Variants in TMPRSS11D observed in about 807,000 individuals in gnomAD.
TMPRSS11D encodes the protein transmembrane protease serine 11D.
Under a neutral mutation model 44.4 loss-of-function variants are expected in TMPRSS11D, and 32 were observed. The observed-to-expected ratio is 0.72, with a 90% CI of 0.54 to 0.97. The LOEUF is 0.97. TMPRSS11D is among the 50% of genes least tolerant of loss of function. The probability of loss-of-function intolerance (pLI) is 0.00; values close to 1 mark genes in which losing one functional copy is unlikely to be tolerated. For missense variants in TMPRSS11D, 446 were observed against 502.6 expected (o/e 0.89, Z 1.08); for synonymous variants, 179 against 177.9 (o/e 1.01, Z -0.05).
intron 3 of TMPRSS11D, among the ~76,000 whole-genome samples, chr4:67,850,474 A>G (rs1009660457): frequency 6.6e-6 from 1 of 152,026 alleles, no homozygotes; most frequent in Non-Finnish European, 1.5e-5. Flanking sequence ...CCGAGTTAGG[A>G]AGAGATAAAA....
At chr4:67,860,825 T>C (rs929315800) in intron 1 of TMPRSS11D, among the ~76,000 whole-genome samples, 1 of 152,106 alleles carries the variant, frequency 6.6e-6, no homozygotes, top group Non-Finnish European at 1.5e-5. Flanking sequence ...GTTCTGAGGG[T>C]CAGTGCTGTG....
intron 7 of TMPRSS11D, among the ~76,000 whole-genome samples, chr4:67,828,161 A>C (rs949984675): frequency 3.9e-5 from 6 of 151,992 alleles, no homozygotes; most frequent in Non-Finnish European, 4.4e-5. Flanking sequence ...ATGCAGATAA[A>C]CTCATACTAA....
chr4:67,863,220 CTGA>C (rs1274778595), intron 1 of TMPRSS11D, among the ~76,000 whole-genome samples: 4 of 149,852 alleles, frequency 2.7e-5, no homozygotes, highest in Non-Finnish European at 5.9e-5. Context: ...AGCTCAGAAC[CTGA>C]TATACATGCA....
rs114574846 is a variant in TMPRSS11D at position 67,860,160 on chromosome 4, C to T, written c.9-482G>A. Among the ~76,000 whole-genome samples the T allele has an allele frequency of 3.3e-3, 507 of 152,056 alleles. 2 individuals are homozygous for T. Among genetic ancestry groups the T allele is most frequent in the African/African-American group, 0.011 (475 of 41,500 alleles). On this transcript the variant is annotated intron_variant, in intron 1 of 9. Transcript: ENST00000283916. ...GGGTGGGGTGGTGAGGGGGTCAGGACGGTAGCATTTCTCATTGCAAGATTC... is the reference window on the plus strand; with the variant it reads ...GGGTGGGGTGGTGAGGGGGTCAGGATGGTAGCATTTCTCATTGCAAGATTC...
At chr4:67,848,829 G>T (rs568155362) in intron 3 of TMPRSS11D, among the ~76,000 whole-genome samples, 1 of 152,172 alleles carries the variant, frequency 6.6e-6, no homozygotes, top group Non-Finnish European at 1.5e-5. Context: ...CAATCATGCC[G>T]GTCTTCGAAC....
intron 4 of TMPRSS11D, among the ~76,000 whole-genome samples, chr4:67,839,236 A>C (rs567590488): frequency 6.6e-6 from 1 of 152,276 alleles, no homozygotes; most frequent in African/African-American, 2.4e-5. Flanking sequence ...TAAGCTTCAG[A>C]AATTAGCTGG....
At chr4:67,876,601 A>G (rs1443408040) in intron 1 of TMPRSS11D, among the ~76,000 whole-genome samples, 3 of 152,206 alleles carry the variant, frequency 2.0e-5, no homozygotes, top group African/African-American at 7.2e-5. Flanking sequence ...TGACTTTGCT[A>G]TTATGCAGAT....
chr4:67,859,314 A>G (rs1718736522), intron 2 of TMPRSS11D, among the ~76,000 whole-genome samples: 2 of 152,168 alleles, frequency 1.3e-5, no homozygotes, highest in Admixed American at 6.6e-5. Flanking sequence ...TTGAGTAACA[A>G]TGTTTGGTAT....
At chr4:67,851,228 T>C (rs1412752506) in intron 3 of TMPRSS11D, among the ~76,000 whole-genome samples, 3 of 152,206 alleles carry the variant, frequency 2.0e-5, no homozygotes, top group Non-Finnish European at 2.9e-5. Context: ...TTCACTTAGA[T>C]GGTGGGTCCA....
At chr4:67,823,280 C>A (rs1236025948) in intron 9 of TMPRSS11D, among the ~76,000 whole-genome samples, 1 of 152,096 alleles carries the variant, frequency 6.6e-6, no homozygotes, top group Non-Finnish European at 1.5e-5. Context: ...CAAAACACTC[C>A]TAATGACATA....
chr4:67,880,463 G>A (rs921525750), intron 1 of TMPRSS11D, among the ~76,000 whole-genome samples: 11 of 151,924 alleles, frequency 7.2e-5, no homozygotes, highest in African/African-American at 2.7e-4. Flanking sequence ...GGGATAGTAT[G>A]GCGTGTCTTT....
intron 5 of TMPRSS11D, among the ~76,000 whole-genome samples, chr4:67,837,640 T>C (rs1467325278): frequency 6.6e-6 from 1 of 152,138 alleles, no homozygotes; most frequent in Non-Finnish European, 1.5e-5. Context: ...GAATTATTTA[T>C]TGAATATGTG....
At chr4:67,850,713 G>A (rs1718483830) in intron 3 of TMPRSS11D, among the ~76,000 whole-genome samples, 1 of 152,204 alleles carries the variant, frequency 6.6e-6, no homozygotes, top group Admixed American at 6.5e-5. Flanking sequence ...CCTCCAACGG[G>A]AGCTGTGCAG....
chr4:67,870,245 A>G (rs1719023418), intron 1 of TMPRSS11D, among the ~76,000 whole-genome samples: 1 of 152,156 alleles, frequency 6.6e-6, no homozygotes, highest in Non-Finnish European at 1.5e-5. Flanking sequence ...TCAAGACACT[A>G]CTTCCAGGAA....
At chr4:67,832,497 A>G (rs1050596077) in intron 7 of TMPRSS11D, among the ~76,000 whole-genome samples, 11 of 151,944 alleles carry the variant, frequency 7.2e-5, no homozygotes, top group Non-Finnish European at 1.5e-4. Context: ...ATATCACCCT[A>G]GTGTTGGCAA....
At chr4:67,834,628 C>T (rs1030697694) in intron 6 of TMPRSS11D, among the ~76,000 whole-genome samples, 4 of 152,082 alleles carry the variant, frequency 2.6e-5, no homozygotes, top group Non-Finnish European at 5.9e-5. Flanking sequence ...AGGTTATAGA[C>T]CCAAAGCTGG....
At chr4:67,875,761 G>C (rs1296775008) in intron 1 of TMPRSS11D, among the ~76,000 whole-genome samples, 1 of 152,216 alleles carries the variant, frequency 6.6e-6, no homozygotes, top group Non-Finnish European at 1.5e-5. Context: ...TATGAGTCCA[G>C]TGAATTAAAA....
At chr4:67,829,736 G>T (rs1028357278) in intron 7 of TMPRSS11D, among the ~76,000 whole-genome samples, 1 of 151,914 alleles carries the variant, frequency 6.6e-6, no homozygotes, top group African/African-American at 2.4e-5. Flanking sequence ...CATGGTAGGG[G>T]AGATCAAAAC....
intron 1 of TMPRSS11D, among the ~76,000 whole-genome samples, chr4:67,872,548 C>A (rs1719083736): frequency 6.6e-6 from 1 of 152,190 alleles, no homozygotes; most frequent in Non-Finnish European, 1.5e-5. Context: ...CATCTCTGTA[C>A]ATATACTAGC....
Sources: gnomAD v4.1 joint callset for allele counts (sites outside exome capture counted in the v4.1 genomes callset) on GRCh38, gnomAD v4.1.1 for gene constraint, MANE v1.5 for transcripts, NCBI Gene and HGNC (gene_info 2026-07-23, HGNC 2026-07-21) for gene names.